Variants in PARD3B observed in about 807,000 individuals in gnomAD.
The protein encoded by PARD3B is par-3 family cell polarity regulator beta.
In PARD3B, 103 loss-of-function variants were observed where a neutral mutation model predicts 130.2. That is an observed-to-expected ratio of 0.79 (90% CI 0.67 to 0.93). PARD3B has a LOEUF of 0.93. Ranked by LOEUF, PARD3B falls within the 40% of genes least tolerant of loss-of-function variation. The pLI is 0.00. For synonymous variants in PARD3B, 583 were observed against 553.2 expected (o/e 1.05, Z -0.76); for missense variants, 1,609 against 1,499.2 (o/e 1.07, Z -1.21).
chr2:204,968,451 C>T lies in PARD3B; in HGVS notation c.394+3128C>T, dbSNP rs191973672. On this transcript the variant is annotated intron_variant, in intron 3 of 22. Coordinates refer to ENST00000406610, the MANE Select transcript of PARD3B (RefSeq NM_001302769.2). ...TATCTTCCAGGATGTAATACTTATG[C>T]ATGCATATTCATATTCCCAGGCCCT... Among the ~76,000 whole-genome samples the T allele has an allele frequency of 2.0e-5, 3 of 152,194 alleles. No homozygotes were observed. In the East Asian group the frequency reaches 5.8e-4, roughly 30 times the overall value.
Position 205,021,853 on chromosome 2 carries a change from C to T in PARD3B, c.395-25728C>T, listed in dbSNP as rs905869546. Among the ~76,000 whole-genome samples the T allele has an allele frequency of 2.0e-5, 3 of 152,072 alleles. No individual in the cohort carries two copies. Among genetic ancestry groups the T allele is most frequent in the African/African-American group, 7.2e-5 (3 of 41,426 alleles). ...CTGTAGCACTGGTTTTATTCCTACA[C>T]TTTACCCCCTCCATTGTAAGGGTAC... On this transcript the variant is annotated intron_variant, in intron 3 of 22. Coordinates refer to ENST00000406610, the MANE Select transcript of PARD3B (RefSeq NM_001302769.2). This position sits in a 1 kb window ranked among gnomAD's most constrained non-coding sequence, Gnocchi z 4.5.
At chr2:204,869,063 T>C (rs1412219997) in intron 2 of PARD3B, among the ~76,000 whole-genome samples, 1 of 152,206 alleles carries the variant, frequency 6.6e-6, no homozygotes, top group Non-Finnish European at 1.5e-5. Context: ...TGTTTGAGGT[T>C]GATGTATTTT....
intron 16 of PARD3B, among the ~76,000 whole-genome samples, chr2:205,284,193 C>T (rs1244065293): frequency 6.6e-6 from 1 of 152,166 alleles, no homozygotes; most frequent in African/African-American, 2.4e-5. Context: ...GAAAATCGTT[C>T]CATCTTGCAC....
chr2:205,062,824 AATTT>A (rs1700139092), intron 4 of PARD3B, among the ~76,000 whole-genome samples: 3 of 152,164 alleles, frequency 2.0e-5, no homozygotes, highest in Admixed American at 6.5e-5. Flanking sequence ...TTCAGCATGA[AATTT>A]ATTTATATCT....
intron 19 of PARD3B, among the ~76,000 whole-genome samples, chr2:205,427,764 A>T (rs1391441672): frequency 6.6e-6 from 1 of 152,226 alleles, no homozygotes; most frequent in Admixed American, 6.5e-5. Flanking sequence ...AAACAAACGA[A>T]AATAAATAAC....
chr2:204,564,543 A>G (rs544593537), intron 1 of PARD3B, among the ~76,000 whole-genome samples: 1 of 152,212 alleles, frequency 6.6e-6, no homozygotes, highest in East Asian at 1.9e-4. Context: ...AAAATGAGAA[A>G]TTAAAAAATA....
intron 1 of PARD3B, among the ~76,000 whole-genome samples, chr2:204,564,983 C>T (rs1328428394): frequency 6.6e-6 from 1 of 152,216 alleles, no homozygotes; most frequent in East Asian, 1.9e-4. Flanking sequence ...CTTAGACTCA[C>T]CAGGCTGCAA....
intron 19 of PARD3B, among the ~76,000 whole-genome samples, chr2:205,404,454 T>C (rs1175024874): frequency 6.6e-6 from 1 of 152,228 alleles, no homozygotes; most frequent in African/African-American, 2.4e-5. Context: ...CCCCCATGGA[T>C]ACCAAGTGAC....
chr2:204,687,783 T>C (rs2037158525), intron 2 of PARD3B, among the ~76,000 whole-genome samples: 1 of 152,170 alleles, frequency 6.6e-6, no homozygotes, highest in Non-Finnish European at 1.5e-5. Flanking sequence ...TGTTTATTAA[T>C]GTAGAAGGCA....
Position 205,121,518 on chromosome 2 carries a change from T to A in PARD3B, c.807-73T>A. 1 of 1,342,352 alleles carries A rather than the reference T, an allele frequency of 7.4e-7. No homozygotes were observed. Among genetic ancestry groups the A allele is most frequent in the Middle Eastern group, 1.9e-4 (1 of 5,312 alleles). 83.2% of individuals were successfully genotyped at this position (1,342,352 alleles called of 1,614,324 possible). Reference sequence around the variant, plus strand: ...GCCACTGTGCTGCTCTTGGTTGCCATCCTCCTGGGGTACTTTAGAAGATGC... The same window carrying A: ...GCCACTGTGCTGCTCTTGGTTGCCAACCTCCTGGGGTACTTTAGAAGATGC... On this transcript the variant is annotated intron_variant, in intron 7 of 22. Transcript: ENST00000406610. This position sits in a 1 kb window ranked among gnomAD's most constrained non-coding sequence, Gnocchi z 5.0.
chr2:205,381,273 G>C (rs112509079), intron 18 of PARD3B, among the ~76,000 whole-genome samples: 1 of 138,544 alleles, frequency 7.2e-6, no homozygotes, highest in Admixed American at 7.8e-5. Flanking sequence ...ATATATATGT[G>C]GACATTTATT....
At chr2:205,139,805 A>T (rs952375998) in intron 10 of PARD3B, among the ~76,000 whole-genome samples, 6 of 152,222 alleles carry the variant, frequency 3.9e-5, no homozygotes. Context: ...GCCCTTCTAA[A>T]ACAGAAACCA....
intron 1 of PARD3B, among the ~76,000 whole-genome samples, chr2:204,648,576 A>G (rs990316289): frequency 1.0e-4 from 13 of 127,438 alleles, no homozygotes; most frequent in Non-Finnish European, 1.6e-5. Context: ...ATAAATATAT[A>G]TTATATATTA....
intron 1 of PARD3B, among the ~76,000 whole-genome samples, chr2:204,546,568 T>C (rs1196782711): frequency 2.0e-5 from 3 of 152,184 alleles, no homozygotes; most frequent in African/African-American, 4.8e-5. Context: ...AGAAAGTTGA[T>C]TGTGCAAGTG....
chr2:205,357,197 G>T (rs2044226244), intron 18 of PARD3B, among the ~76,000 whole-genome samples: 2 of 152,154 alleles, frequency 1.3e-5, no homozygotes, highest in Admixed American at 1.3e-4. Flanking sequence ...AGGAGAGAAG[G>T]ACATTTTTTC....
At chr2:204,707,053 A>G (rs2038200007) in intron 2 of PARD3B, among the ~76,000 whole-genome samples, 1 of 152,188 alleles carries the variant, frequency 6.6e-6, no homozygotes, top group African/African-American at 2.4e-5. Flanking sequence ...AGATTTGAAA[A>G]GTAGCAGGAT....
At chr2:204,680,213 A>G (rs2036761744) in intron 1 of PARD3B, among the ~76,000 whole-genome samples, 1 of 152,058 alleles carries the variant, frequency 6.6e-6, no homozygotes, top group Non-Finnish European at 1.5e-5. Flanking sequence ...CCTTTTGAAG[A>G]AACATTTGGA....
At chr2:205,595,443 T>A (rs1246338181) in intron 22 of PARD3B, among the ~76,000 whole-genome samples, 2 of 152,220 alleles carry the variant, frequency 1.3e-5, no homozygotes, top group East Asian at 3.8e-4. Context: ...TTTAATTAAT[T>A]TCTTTAAATT....
At chr2:205,486,889 C>T (rs889256546) in intron 20 of PARD3B, among the ~76,000 whole-genome samples, 1 of 151,884 alleles carries the variant, frequency 6.6e-6, no homozygotes, top group African/African-American at 2.4e-5. Flanking sequence ...ATTGTTATGA[C>T]CTTATTCAAA....
Sources: gnomAD v4.1 joint callset for allele counts (sites outside exome capture counted in the v4.1 genomes callset) on GRCh38, gnomAD v4.1.1 for gene constraint, Gnocchi (gnomAD v3.1) non-coding constraint, MANE v1.5 for transcripts, NCBI Gene and HGNC (gene_info 2026-07-23, HGNC 2026-07-21) for gene names.